Variants in VPS13B observed in about 807,000 individuals in gnomAD.
VPS13B encodes vacuolar protein sorting 13 homolog B.
Under a neutral mutation model 426.4 loss-of-function variants are expected in VPS13B, and 285 were observed. The observed-to-expected ratio is 0.67, with a 90% confidence interval of 0.61 to 0.74. The LOEUF (loss-of-function observed/expected upper bound fraction) is 0.74, where lower values mean the gene tolerates loss of function less well. Ranked by LOEUF, VPS13B falls within the 30% of genes least tolerant of loss-of-function variation. VPS13B has a pLI of 0.00. For synonymous variants in VPS13B, 1,676 were observed against 1,676.4 expected, an observed-to-expected ratio of 1.00 and a Z score of 0.01; for missense variants, 4,537 against 4,782.6, an observed-to-expected ratio of 0.95 and a Z score of 1.51.
At chr8:99,090,792 C>G (rs774308746) in intron 3 of VPS13B, among the ~76,000 whole-genome samples, 7 of 152,064 alleles carry the variant, frequency 4.6e-5, no homozygotes, top group Non-Finnish European at 1.0e-4. Flanking sequence ...ACCCAGTTCC[C>G]CCCAGTGAAT....
intron 21 of VPS13B, among the ~76,000 whole-genome samples, chr8:99,400,775 A>G (rs973630450): frequency 2.0e-5 from 3 of 152,158 alleles, no homozygotes; most frequent in Non-Finnish European, 4.4e-5. Context: ...AGTTCAAGCA[A>G]TCCTCCTGCC....
chr8:99,406,000 G>A (rs1165171775), intron 21 of VPS13B, among the ~76,000 whole-genome samples: 13 of 151,866 alleles, frequency 8.6e-5, no homozygotes, highest in Non-Finnish European at 2.9e-5. Context: ...GGCTGGTATC[G>A]AACTCCTGAC....
intron 55 of VPS13B, 64 bp downstream of exon 55, chr8:99,848,958 A>C: frequency 1.4e-6 from 2 of 1,430,320 alleles, no homozygotes; most frequent in Non-Finnish European, 9.9e-7. Flanking sequence ...TTGTAAACTT[A>C]GTATTTATCT....
chr8:99,069,944 C>T (rs1340577477), intron 3 of VPS13B, among the ~76,000 whole-genome samples: 1 of 152,200 alleles, frequency 6.6e-6, no homozygotes, highest in East Asian at 1.9e-4. Context: ...GCTCTGTCCA[C>T]TCAGGCAGGA....
chr8:99,081,155 C>T (rs564044909), intron 3 of VPS13B, among the ~76,000 whole-genome samples: 45 of 152,296 alleles, frequency 3.0e-4, no homozygotes, highest in African/African-American at 1.0e-3. Context: ...TGGTTTTAAG[C>T]GTTGAGCTTG....
intron 33 of VPS13B, among the ~76,000 whole-genome samples, chr8:99,605,317 A>C (rs1192245415): frequency 1.3e-5 from 2 of 152,196 alleles, no homozygotes; most frequent in Admixed American, 6.5e-5. Flanking sequence ...GAAAAGTTTC[A>C]ATTGTCTATG....
intron 19 of VPS13B, among the ~76,000 whole-genome samples, chr8:99,299,681 G>A (rs890218529): frequency 5.3e-5 from 8 of 151,902 alleles, no homozygotes; most frequent in Non-Finnish European, 1.0e-4. Flanking sequence ...GGAGTCTGAG[G>A]CGGGCAGATC....
At chr8:99,270,723 T>A (rs1563638676) in intron 17 of VPS13B, among the ~76,000 whole-genome samples, 1 of 152,198 alleles carries the variant, frequency 6.6e-6, no homozygotes, top group Non-Finnish European at 1.5e-5. Context: ...CTGACTACTA[T>A]ATAGGTTTCC....
intron 33 of VPS13B, among the ~76,000 whole-genome samples, chr8:99,633,836 T>TGTGTGTGTGC (rs1432874227): frequency 2.6e-5 from 4 of 151,332 alleles, no homozygotes; most frequent in Admixed American, 2.6e-4. Context: ...TGTGTGTGTG[T>TGTGTGTGTGC]GTGCGTGTTT....
chr8:99,727,327 AG>A (rs980423767), intron 39 of VPS13B, among the ~76,000 whole-genome samples: 2 of 152,238 alleles, frequency 1.3e-5, no homozygotes, highest in Non-Finnish European at 2.9e-5. Context: ...AGTTAGACAA[AG>A]ATATGCAAAG....
intron 4 of VPS13B, among the ~76,000 whole-genome samples, chr8:99,100,661 T>C (rs1438381171): frequency 6.6e-6 from 1 of 152,170 alleles, no homozygotes; most frequent in African/African-American, 2.4e-5. Flanking sequence ...TTGTGTTTTG[T>C]TTCTATTACT....
intron 3 of VPS13B, among the ~76,000 whole-genome samples, chr8:99,055,184 A>G (rs1843781375): frequency 6.6e-6 from 1 of 151,930 alleles, no homozygotes; most frequent in Non-Finnish European, 1.5e-5. Flanking sequence ...GACTATAAAC[A>G]TGAGCCAGCA....
intron 39 of VPS13B, among the ~76,000 whole-genome samples, chr8:99,760,351 T>G (rs1280315265): frequency 1.3e-5 from 2 of 152,192 alleles, no homozygotes; most frequent in Non-Finnish European, 2.9e-5. Context: ...TGACATCACT[T>G]CTTTGCTTTC....
rs115946909 is a variant in VPS13B, at chr8:99,731,972, A to G, written c.7050+10925A>G. Among the ~76,000 whole-genome samples the G allele has an allele frequency of 5.3e-3, 812 of 152,256 alleles. 8 individuals carry two copies. The highest frequency in any genetic ancestry group is 0.019 in the African/African-American group (781 of 41,548). On this transcript the variant is annotated intron_variant, in intron 39 of 61. Coordinates refer to ENST00000357162, the MANE Select transcript of VPS13B (RefSeq NM_152564.5). ...AGAAGCTGAGGATCTGAAAAGTTAA[A>G]TGGGGGACCTCCTCTCCCTGAGCAG...
At chr8:99,355,394 C>G (rs1337864205) in intron 19 of VPS13B, among the ~76,000 whole-genome samples, 1 of 152,076 alleles carries the variant, frequency 6.6e-6, no homozygotes, top group Non-Finnish European at 1.5e-5. Context: ...AGATCGAGAC[C>G]ATCCTGGCCA....
intron 19 of VPS13B, among the ~76,000 whole-genome samples, chr8:99,310,878 T>A (rs1226463231): frequency 6.6e-6 from 1 of 152,224 alleles, no homozygotes; most frequent in African/African-American, 2.4e-5. Context: ...GGGCTTCAAC[T>A]TCTTCCTGTT....
Position 99,275,101 on chromosome 8 carries a change from T to C in VPS13B, c.2671T>C (p.Leu891=), listed in dbSNP as rs748789974. The C allele has an allele frequency of 6.2e-7, 1 of 1,605,696 alleles. No individual in the cohort carries two copies. The highest frequency in any genetic ancestry group is 8.5e-7 in the Non-Finnish European group (1 of 1,176,676). Reference sequence around the variant, plus strand: ...TTCAGTTGATAGTGGAAAAGAGAAGTTGATTCCCTTGCTTCAGGGTCCTTC... The same window carrying C: ...TTCAGTTGATAGTGGAAAAGAGAAGCTGATTCCCTTGCTTCAGGGTCCTTC... ...KAPVDSGKEK[L]IPLLQGPSDT... is the part of the protein sequence containing the mutation. The change falls in exon 19 of 62, where the codon TTG becomes CTG. Residue 891 remains leucine (L), a synonymous_variant. Coordinates refer to ENST00000357162, the MANE Select transcript of VPS13B (RefSeq NM_152564.5).
chr8:99,060,813 G>A (rs1844143292), intron 3 of VPS13B, among the ~76,000 whole-genome samples: 1 of 151,808 alleles, frequency 6.6e-6, no homozygotes. Context: ...TTTCACAATT[G>A]GGAAGATTTT....
chr8:99,452,940 G>A (rs1818270568), intron 23 of VPS13B, among the ~76,000 whole-genome samples: 1 of 152,204 alleles, frequency 6.6e-6, no homozygotes, highest in African/African-American at 2.4e-5. Flanking sequence ...GCTACATCCA[G>A]CCAACACCTC....
Sources: allele counts gnomAD v4.1 joint callset (sites outside exome capture counted in the v4.1 genomes callset), GRCh38; gene constraint gnomAD v4.1.1; transcripts MANE v1.5; gene names NCBI Gene and HGNC (gene_info 2026-07-23, HGNC 2026-07-21).